Variants in ADAMTSL1 observed in about 807,000 individuals in gnomAD.
The protein encoded by ADAMTSL1 is ADAMTS like 1.
ADAMTSL1 carries 126 observed loss-of-function variants against 201.8 expected under a neutral mutation model. That is an observed-to-expected ratio of 0.62 (90% CI 0.54 to 0.72). The LOEUF is 0.72. ADAMTSL1 is among the 30% of genes least tolerant of loss of function. The pLI is 0.00. For missense variants in ADAMTSL1, 2,679 were observed against 2,277.8 expected (o/e 1.18, Z -3.59); for synonymous variants, 1,121 against 903.4 (o/e 1.24, Z -4.32).
chr9:18,686,926 TTTAAAGTAG>T (rs1457000061), intron 13 of ADAMTSL1, among the ~76,000 whole-genome samples: 1 of 152,210 alleles, frequency 6.6e-6, no homozygotes, highest in Admixed American at 6.5e-5. Context: ...TAATAAAATC[TTTAAAGTAG>T]TTAAAAAAGT....
At chr9:18,585,146 G>A (rs780829607) in intron 4 of ADAMTSL1, among the ~76,000 whole-genome samples, 1 of 152,014 alleles carries the variant, frequency 6.6e-6, no homozygotes, top group African/African-American at 2.4e-5. Flanking sequence ...TGGGTCTTTT[G>A]TGTATTCAAG....
chr9:18,715,553 A>G (rs1277567203), intron 14 of ADAMTSL1, among the ~76,000 whole-genome samples: 2 of 152,026 alleles, frequency 1.3e-5, no homozygotes, highest in Non-Finnish European at 2.9e-5. Flanking sequence ...CTCTTCAAAG[A>G]GAACTACAAA....
intron 1 of ADAMTSL1, among the ~76,000 whole-genome samples, chr9:18,048,652 C>T (rs1480842167): frequency 6.6e-6 from 1 of 152,166 alleles, no homozygotes; most frequent in East Asian, 1.9e-4. Context: ...ATAAAGTTTA[C>T]TTAAAACATA....
At chr9:18,867,602 T>G (rs1448744550) in intron 23 of ADAMTSL1, among the ~76,000 whole-genome samples, 2 of 152,202 alleles carry the variant, frequency 1.3e-5, no homozygotes, top group African/African-American at 2.4e-5. Flanking sequence ...ATGATTCTTT[T>G]AGGTAAAATG....
At chr9:18,638,156 C>A (rs544109271) in intron 6 of ADAMTSL1, among the ~76,000 whole-genome samples, 1 of 152,080 alleles carries the variant, frequency 6.6e-6, no homozygotes, top group Non-Finnish European at 1.5e-5. Flanking sequence ...AGAAGAAAGT[C>A]TCCACAGACT....
intron 2 of ADAMTSL1, among the ~76,000 whole-genome samples, chr9:18,447,168 A>G (rs1563966315): frequency 6.6e-6 from 1 of 152,174 alleles, no homozygotes; most frequent in Non-Finnish European, 1.5e-5. Flanking sequence ...TTCATAATGA[A>G]GCAAATATTT....
intron 7 of ADAMTSL1, among the ~76,000 whole-genome samples, chr9:18,644,958 G>A (rs1164033580): frequency 1.1e-4 from 16 of 151,744 alleles, no homozygotes; most frequent in Non-Finnish European, 2.2e-4. Context: ...CTGAGGAATC[G>A]CCACACTGAC....
chr9:18,393,081 T>A (rs1838118450), intron 2 of ADAMTSL1, among the ~76,000 whole-genome samples: 1 of 152,246 alleles, frequency 6.6e-6, no homozygotes, highest in South Asian at 2.1e-4. Flanking sequence ...AAAGGGTTTC[T>A]GCTTTGAGTA....
At chr9:18,634,535 C>A (rs1826975512) in intron 5 of ADAMTSL1, among the ~76,000 whole-genome samples, 1 of 151,462 alleles carries the variant, frequency 6.6e-6, no homozygotes, top group East Asian at 1.9e-4. Flanking sequence ...GATAGCGAGA[C>A]CCTATCTCAA....
chr9:18,843,578 C>G (rs1397360092), intron 23 of ADAMTSL1, among the ~76,000 whole-genome samples: 13 of 150,306 alleles, frequency 8.6e-5, no homozygotes, highest in South Asian at 6.2e-4. Flanking sequence ...CTGAATGTTG[C>G]CCTGCCTTGC....
At chr9:18,528,694 A>G (rs1045404303) in intron 2 of ADAMTSL1, among the ~76,000 whole-genome samples, 1 of 152,184 alleles carries the variant, frequency 6.6e-6, no homozygotes, top group African/African-American at 2.4e-5. Flanking sequence ...TTTTTATATT[A>G]AAATATATTC....
chr9:18,511,496 A>T (rs1420392560), intron 2 of ADAMTSL1, among the ~76,000 whole-genome samples: 3 of 152,132 alleles, frequency 2.0e-5, no homozygotes, highest in African/African-American at 7.2e-5. Context: ...GCAAGAAATA[A>T]AAATCACACA....
chr9:18,140,196 A>C (rs1587140224), intron 1 of ADAMTSL1, among the ~76,000 whole-genome samples: 2 of 152,172 alleles, frequency 1.3e-5, no homozygotes, highest in South Asian at 4.1e-4. Context: ...CTAAATACAA[A>C]GTAAAAGAAG....
chr9:18,850,703 TG>T, intron 23 of ADAMTSL1, among the ~76,000 whole-genome samples: 1 of 152,214 alleles, frequency 6.6e-6, no homozygotes, highest in Non-Finnish European at 1.5e-5. Context: ...GACCAGGTCC[TG>T]GAAGCAGAAA....
chr9:17,993,015 A>G (rs1324359275), intron 1 of ADAMTSL1, among the ~76,000 whole-genome samples: 1 of 152,210 alleles, frequency 6.6e-6, no homozygotes, highest in Non-Finnish European at 1.5e-5. Flanking sequence ...ACTAAAGTGA[A>G]TAGCCAATTT....
intron 20 of ADAMTSL1, among the ~76,000 whole-genome samples, chr9:18,810,123 C>G (rs1250351500): frequency 1.3e-5 from 2 of 152,194 alleles, no homozygotes; most frequent in African/African-American, 2.4e-5. Flanking sequence ...ATCATTCCAA[C>G]TGCTTCCTCC....
At chr9:17,931,012 A>G (rs774739253) in intron 1 of ADAMTSL1, among the ~76,000 whole-genome samples, 19 of 152,182 alleles carry the variant, frequency 1.2e-4, no homozygotes, top group Non-Finnish European at 2.5e-4. Flanking sequence ...ATCACCTGAT[A>G]AGTCCTAGTC....
At chr9:18,473,155 T>A (rs1247146652), upstream of ADAMTSL1, among the ~76,000 whole-genome samples, 1 of 152,186 alleles carries the variant, frequency 6.6e-6, no homozygotes, top group Non-Finnish European at 1.5e-5. Flanking sequence ...CAGTTCAGCC[T>A]TTTCTGCATT....
chr9:18,693,508 G>C (rs1406491124), intron 13 of ADAMTSL1, among the ~76,000 whole-genome samples: 1 of 152,172 alleles, frequency 6.6e-6, no homozygotes, highest in Non-Finnish European at 1.5e-5. Flanking sequence ...TCCTACAATA[G>C]GAAGAGGTTT....
Sources: gnomAD v4.1 joint callset for allele counts (sites outside exome capture counted in the v4.1 genomes callset) on GRCh38, gnomAD v4.1.1 for gene constraint, MANE v1.5 for transcripts, NCBI Gene and HGNC (gene_info 2026-07-23, HGNC 2026-07-21) for gene names.